Variants in SANBR observed in about 807,000 individuals in gnomAD.
SANBR encodes SANT and BTB domain regulator of CSR.
In SANBR, 77 loss-of-function variants were observed where a neutral mutation model predicts 101.8. The ratio of observed to expected loss-of-function variants is 0.76; its 90% confidence interval spans 0.63 to 0.91. The LOEUF is 0.91. SANBR is among the 40% of genes least tolerant of loss of function. The pLI, the probability that SANBR is intolerant of heterozygous loss-of-function variation, is 0.00. For missense variants in SANBR, 875 were observed against 853.0 expected (o/e 1.03, Z -0.32); for synonymous variants, 279 against 274.7 (o/e 1.02, Z -0.15).
Position 61,122,354 on chromosome 2 carries a change from T to G in SANBR, c.*192T>G. On this transcript the variant is annotated 3_prime_UTR_variant, in exon 22 of 22. Coordinates refer to ENST00000402291, the MANE Select transcript of SANBR (RefSeq NM_001129993.3). ...AAAATCTAATTGTAAATATGAAACT[T>G]TTTAAATCTGATTTTCTTCTAATAT... 8.0e-7 allele frequency: 1 copy of G among 1,254,392 alleles called. No individual in the cohort carries two copies. The highest frequency in any genetic ancestry group is 3.0e-4 in the Middle Eastern group (1 of 3,342). 77.7% of individuals were successfully genotyped at this position (1,254,392 alleles called of 1,614,324 possible).
chr2:61,100,979 G>A (rs1176987693), intron 12 of SANBR, among the ~76,000 whole-genome samples: 1 of 152,062 alleles, frequency 6.6e-6, no homozygotes, highest in East Asian at 1.9e-4. Context: ...TGAAATTTAG[G>A]GGCAAGGAAT....
intron 8 of SANBR, among the ~76,000 whole-genome samples, chr2:61,085,312 G>T (rs1251483002): frequency 1.3e-5 from 2 of 151,576 alleles, no homozygotes; most frequent in African/African-American, 4.8e-5. Context: ...TTTTTTTTGT[G>T]GTATGAGGTA....
At position 61,070,479 on chromosome 2, in the gene SANBR, G is replaced by T; in HGVS notation, c.129G>T (p.Val43=). 6.2e-7 allele frequency: 1 copy of T among 1,605,628 alleles called. No individual in the cohort carries two copies. The highest frequency in any genetic ancestry group is 1.3e-5 in the African/African-American group (1 of 74,472). Residue 43 remains valine, a synonymous_variant, in exon 3 of 22, where the codon GTG becomes GTT. Transcript: ENST00000402291. ...TINWETIARL[V]PGLTPKECAK... ...ACTGGGAAACTATAGCAAGGCTCGT[G>T]CCTGGATTAACACCAAAAGAGGTAA...
At chr2:61,117,221 A>T in intron 17 of SANBR, 136 bp from the exon 18 acceptor site, 1 of 804,206 alleles carries the variant, frequency 1.2e-6, no homozygotes, top group Non-Finnish European at 2.1e-6. Flanking sequence ...TGCAAGGTTT[A>T]AATGAAATAG....
intron 20 of SANBR, among the ~76,000 whole-genome samples, chr2:61,130,821 T>C (rs1684664601): frequency 6.9e-6 from 1 of 144,844 alleles, no homozygotes; most frequent in African/African-American, 2.6e-5. Context: ...CATATGCTTG[T>C]AATCCCAGCT....
chr2:61,120,255 C>T (rs1368412883), intron 20 of SANBR, among the ~76,000 whole-genome samples: 4 of 152,204 alleles, frequency 2.6e-5, no homozygotes, highest in Non-Finnish European at 4.4e-5. Context: ...GTAATCCCAG[C>T]ACTTTGGGAG....
At chr2:61,094,638 CT>C (rs35061669) in intron 11 of SANBR, among the ~76,000 whole-genome samples, 212 of 78,998 alleles carry the variant, frequency 2.7e-3, no homozygotes, top group East Asian at 0.017. Context: ...TATTTCTCTT[CT>C]TTTTTTTTTT....
At chr2:61,088,092 G>A (rs1682538783) in intron 8 of SANBR, 67 bp from the exon 9 acceptor site, 3 of 802,570 alleles carry the variant, frequency 3.7e-6, no homozygotes, top group Non-Finnish European at 5.9e-6. Context: ...GCACAGATTG[G>A]TTTGTTTATT....
chr2:61,133,558 G>A (rs995620481), intron 20 of SANBR, among the ~76,000 whole-genome samples: 5 of 152,040 alleles, frequency 3.3e-5, no homozygotes, highest in African/African-American at 1.2e-4. Flanking sequence ...TTCAAGACCG[G>A]CCTGGGCAAC....
Position 61,077,111 on chromosome 2 carries a change from T to G in SANBR, c.623T>G (p.Ile208Ser), listed in dbSNP as rs1381820597. 3 of 1,613,852 alleles carry G rather than the reference T, an allele frequency of 1.9e-6. No homozygotes were observed. Among genetic ancestry groups the G allele is most frequent in the Non-Finnish European group, 2.5e-6 (3 of 1,179,770 alleles). The change falls in exon 6 of 22, where the codon ATT (isoleucine) becomes AGT (serine). Residue 208 changes from isoleucine to serine, a missense_variant. Coordinates refer to ENST00000402291, the MANE Select transcript of SANBR (RefSeq NM_001129993.3). ...ATTTTCAACTGGTTGATAAAATACATTAAAAGGAACACTAAGGAGAATAAA... is the reference window on the plus strand; with the variant it reads ...ATTTTCAACTGGTTGATAAAATACAGTAAAAGGAACACTAAGGAGAATAAA... ...VHIFNWLIKY[I>S]KRNTKENKDC... is the part of the protein sequence containing the mutation.
chr2:61,109,685 T>A (rs10168258), intron 16 of SANBR, among the ~76,000 whole-genome samples: 1 of 146,580 alleles, frequency 6.8e-6, no homozygotes, highest in Non-Finnish European at 1.5e-5. Flanking sequence ...GTGTTTGTTT[T>A]TTTTTTTTTT....
Position 61,101,563 on chromosome 2 carries a change from C to G in SANBR, c.1366-2290C>G, listed in dbSNP as rs570548023. Among the ~76,000 whole-genome samples the G allele has an allele frequency of 4.0e-5, 6 of 151,090 alleles. No individual in the cohort carries two copies. In the South Asian group the frequency reaches 1.3e-3, roughly 32 times the overall value. On this transcript the variant is annotated intron_variant, in intron 12 of 21. Transcript: ENST00000402291. Reference sequence around the variant, plus strand: ...CCTGGCTAACACGCTGAAACGCCTTCTCTACTAAAAATACAAAAAATTAGC... The same window carrying G: ...CCTGGCTAACACGCTGAAACGCCTTGTCTACTAAAAATACAAAAAATTAGC...
intron 5 of SANBR, among the ~76,000 whole-genome samples, chr2:61,073,847 T>G (rs1681613198): frequency 6.6e-6 from 1 of 152,090 alleles, no homozygotes; most frequent in Non-Finnish European, 1.5e-5. Flanking sequence ...GGAAAAAAAC[T>G]GTATGCCATT....
intron 8 of SANBR, among the ~76,000 whole-genome samples, chr2:61,085,422 C>T (rs1300329906): frequency 2.6e-5 from 4 of 151,938 alleles, no homozygotes; most frequent in Admixed American, 6.6e-5. Context: ...TGCACTAGTA[C>T]GTTTACTATA....
chr2:61,088,273 G>GCAT, intron 9 of SANBR, 28 bp downstream of exon 9: 1 of 1,578,858 alleles, frequency 6.3e-7, no homozygotes, highest in Non-Finnish European at 8.6e-7. Context: ...TTTCTTTGGT[G>GCAT]TACTTTATAA....
chr2:61,069,843 A>G (rs2104839305), intron 2 of SANBR: 1 of 152,516 alleles, frequency 6.6e-6, no homozygotes, highest in Non-Finnish European at 1.5e-5. Flanking sequence ...ATTGAATCAT[A>G]ACTAACTTCA....
chr2:61,125,334 G>C (rs1413382437), downstream of SANBR, among the ~76,000 whole-genome samples: 2 of 150,040 alleles, frequency 1.3e-5, no homozygotes, highest in Non-Finnish European at 3.0e-5. Flanking sequence ...AGTTAAGACT[G>C]TGTATGTGTG....
chr2:61,116,503 A>G (rs1412469885), intron 17 of SANBR, among the ~76,000 whole-genome samples: 1 of 152,164 alleles, frequency 6.6e-6, no homozygotes, highest in Admixed American at 6.5e-5. Context: ...AGTCTTTTAA[A>G]TTAAAAATAA....
rs1684433786 is a variant in SANBR at position 61,123,939 on chromosome 2, A to G, written c.*1777A>G. On this transcript the variant is annotated 3_prime_UTR_variant, in exon 22 of 22. Coordinates refer to ENST00000402291, the MANE Select transcript of SANBR (RefSeq NM_001129993.3). The stretch of plus-strand genomic sequence containing the variant: ...AAACCCTATCTCTACTAAAAATACA[A>G]AAAGATTAGCCAGGCATGGTGGCAT... 1 of 371,976 alleles carries G rather than the reference A, an allele frequency of 2.7e-6. No individual in the cohort carries two copies. Among genetic ancestry groups the G allele is most frequent in the Non-Finnish European group, 3.7e-6 (1 of 269,358 alleles). The allele number at this position is 371,976 out of a possible 1,614,324, so 23.0% of individuals were successfully genotyped here.
Sources: allele counts gnomAD v4.1 joint callset (sites outside exome capture counted in the v4.1 genomes callset), GRCh38; gene constraint gnomAD v4.1.1; transcripts MANE v1.5; gene names NCBI Gene and HGNC (gene_info 2026-07-23, HGNC 2026-07-21).